The following FAM171B variants were observed in gnomAD, a reference collection of about 807,000 sequenced individuals.
FAM171B encodes the protein family with sequence similarity 171 member B.
In FAM171B, 19 loss-of-function variants were observed where a neutral mutation model predicts 75.6. The ratio of observed to expected loss-of-function variants is 0.25; its 90% CI spans 0.18 to 0.37. The LOEUF is 0.37. FAM171B is among the 10% of genes least tolerant of loss of function. The pLI, the probability that FAM171B is intolerant of heterozygous loss-of-function variation, is 1.00. For synonymous variants in FAM171B, 367 were observed against 361.7 expected (o/e 1.01, Z -0.17); for missense variants, 848 against 982.4 (o/e 0.86, Z 1.83).
chr2:186,735,399 A>G (rs1295896775), intron 1 of FAM171B, among the ~76,000 whole-genome samples: 8 of 152,314 alleles, frequency 5.3e-5, no homozygotes, highest in South Asian at 2.1e-4. Flanking sequence ...CAAATGGCCA[A>G]TCCTTAGGTT....
chr2:186,746,424 C>T (rs940127554), intron 3 of FAM171B, among the ~76,000 whole-genome samples: 1 of 152,090 alleles, frequency 6.6e-6, no homozygotes, highest in African/African-American at 2.4e-5. Context: ...TGGCTTAAGC[C>T]CAAAATAAGC....
At chr2:186,700,918 C>T (rs1689651084) in intron 1 of FAM171B, among the ~76,000 whole-genome samples, 1 of 151,780 alleles carries the variant, frequency 6.6e-6, no homozygotes, top group Non-Finnish European at 1.5e-5. Context: ...TTAAACTTCT[C>T]TTTAACTTTT....
intron 1 of FAM171B, among the ~76,000 whole-genome samples, chr2:186,738,210 C>A (rs770187485): frequency 1.3e-5 from 2 of 152,202 alleles, no homozygotes; most frequent in Non-Finnish European, 2.9e-5. Context: ...TTATTCCCAC[C>A]GTCCACAGCC....
At chr2:186,740,531 G>C in intron 2 of FAM171B, 70 bp downstream of exon 2, 2 of 1,309,154 alleles carry the variant, frequency 1.5e-6, no homozygotes, top group South Asian at 2.9e-5. Flanking sequence ...TCTGTTTGGG[G>C]GATATCTTGT....
At chr2:186,748,553 G>T (rs972480815) in intron 4 of FAM171B, among the ~76,000 whole-genome samples, 11 of 152,156 alleles carry the variant, frequency 7.2e-5, no homozygotes, top group Admixed American at 5.9e-4. Flanking sequence ...CATCACATGG[G>T]GCAAGCTGTC....
chr2:186,698,763 C>T (rs761495277), intron 1 of FAM171B, among the ~76,000 whole-genome samples: 2 of 152,058 alleles, frequency 1.3e-5, no homozygotes, highest in Non-Finnish European at 2.9e-5. Flanking sequence ...ACTCATTGAC[C>T]ATCCCCACTT....
intron 7 of FAM171B, 97 bp from the exon 8 acceptor site, chr2:186,761,382 C>T: frequency 2.1e-6 from 3 of 1,425,022 alleles, no homozygotes; most frequent in Non-Finnish European, 2.8e-6. Flanking sequence ...CTCACAATAG[C>T]ATTGCATGTA....
intron 1 of FAM171B, among the ~76,000 whole-genome samples, chr2:186,720,105 T>C (rs1449958117): frequency 1.3e-5 from 2 of 152,238 alleles, no homozygotes; most frequent in Non-Finnish European, 2.9e-5. Flanking sequence ...TGGCGCTATC[T>C]CAGCTCACTG....
At chr2:186,761,009 A>G in intron 6 of FAM171B, 104 bp from the exon 7 acceptor site, 1 of 1,238,536 alleles carries the variant, frequency 8.1e-7, no homozygotes, top group South Asian at 1.7e-5. Flanking sequence ...GGGCAAACAA[A>G]TAAAAGTATG....
chr2:186,748,361 CA>C (rs1395859321), intron 4 of FAM171B, among the ~76,000 whole-genome samples: 1 of 151,332 alleles, frequency 6.6e-6, no homozygotes, highest in South Asian at 2.1e-4. Flanking sequence ...GAACAGCCAG[CA>C]ATGAGTGATA....
intron 5 of FAM171B, among the ~76,000 whole-genome samples, chr2:186,752,545 T>C (rs1465816908): frequency 6.6e-6 from 1 of 152,184 alleles, no homozygotes; most frequent in Non-Finnish European, 1.5e-5. Context: ...TGGGCCTCAA[T>C]TTCCTGATTT....
intron 5 of FAM171B, among the ~76,000 whole-genome samples, chr2:186,753,572 T>C (rs1690487520): frequency 6.6e-6 from 1 of 152,174 alleles, no homozygotes; most frequent in South Asian, 2.1e-4. Flanking sequence ...ATAGGTGTCA[T>C]AATTGATAAT....
chr2:186,746,832 T>C (rs1040268781), intron 3 of FAM171B, among the ~76,000 whole-genome samples: 1 of 152,138 alleles, frequency 6.6e-6, no homozygotes, highest in Non-Finnish European at 1.5e-5. Flanking sequence ...GGGCTAAAAA[T>C]GGTCAGTTTG....
chr2:186,694,344 G>A lies in FAM171B; in HGVS notation c.171G>A (p.Lys57=), dbSNP rs1322384404. ...QQQQQQQQQQ[K]QLEEAEEERT... is the part of the protein sequence containing the mutation. ...AGCAACAACAACAACAACAGCAAAA[G>A]CAGCTGGAGGAGGCTGAGGAGGAGA... Residue 57 remains lysine, a synonymous_variant, in exon 1 of 8, where the codon AAG becomes AAA. Coordinates refer to ENST00000304698, the MANE Select transcript of FAM171B (RefSeq NM_177454.4). 6.2e-7 allele frequency: 1 copy of A among 1,610,370 alleles called. No individual in the cohort carries two copies. Among genetic ancestry groups the A allele is most frequent in the Admixed American group, 1.7e-5 (1 of 59,532 alleles).
chr2:186,717,310 G>T (rs561863346), intron 1 of FAM171B, among the ~76,000 whole-genome samples: 1 of 152,200 alleles, frequency 6.6e-6, no homozygotes, highest in Non-Finnish European at 1.5e-5. Flanking sequence ...AAGAATTTTT[G>T]TGTATTTATG....
chr2:186,757,961 CTCATT>C (rs1285449497), intron 6 of FAM171B, among the ~76,000 whole-genome samples: 3 of 152,162 alleles, frequency 2.0e-5, no homozygotes, highest in Non-Finnish European at 4.4e-5. Flanking sequence ...GAAAGTTACT[CTCATT>C]TCTTTTTTGT....
At chr2:186,755,758 A>ATCC (rs1230838647) in intron 6 of FAM171B, among the ~76,000 whole-genome samples, 1 of 152,098 alleles carries the variant, frequency 6.6e-6, no homozygotes, top group Non-Finnish European at 1.5e-5. Context: ...CAAACTCTGG[A>ATCC]TCCTCCCACC....
intron 1 of FAM171B, among the ~76,000 whole-genome samples, chr2:186,735,154 G>A (rs1690180713): frequency 6.6e-6 from 1 of 152,210 alleles, no homozygotes; most frequent in Non-Finnish European, 1.5e-5. Context: ...CTCCCCTGCT[G>A]CAGCTGGCAT....
chr2:186,747,746 T>C (rs1453658884), intron 4 of FAM171B, among the ~76,000 whole-genome samples: 1 of 152,168 alleles, frequency 6.6e-6, no homozygotes, highest in Non-Finnish European at 1.5e-5. Context: ...ATTGAAAATA[T>C]ATGTATTCTA....
Sources: gnomAD v4.1 joint callset for allele counts (sites outside exome capture counted in the v4.1 genomes callset) on GRCh38, gnomAD v4.1.1 for gene constraint, MANE v1.5 for transcripts, NCBI Gene and HGNC (gene_info 2026-07-23, HGNC 2026-07-21) for gene names.